The following SEH1L variants were observed in gnomAD, a reference collection of about 807,000 sequenced individuals.
SEH1L encodes SEH1 like nucleoporin.
SEH1L carries 18 observed loss-of-function variants against 49.5 expected under a neutral mutation model. The ratio of observed to expected loss-of-function variants is 0.36; its 90% CI spans 0.25 to 0.54. The LOEUF (loss-of-function observed/expected upper bound fraction) is 0.54. Among genes scored for constraint, SEH1L ranks in the 20% least tolerant of loss-of-function variants. The pLI, the probability that SEH1L is intolerant of heterozygous loss-of-function variation, is 0.87. For synonymous variants in SEH1L, 169 were observed against 178.1 expected (o/e 0.95, Z 0.41); for missense variants, 404 against 528.8 (o/e 0.76, Z 2.31).
chr18:12,961,461 C>T (rs2031173305), intron 3 of SEH1L, among the ~76,000 whole-genome samples: 1 of 152,146 alleles, frequency 6.6e-6, no homozygotes. Context: ...CCTCTGCTGC[C>T]CTGCTCATGT....
chr18:12,963,504 T>C (rs2031291649), intron 4 of SEH1L, 133 bp downstream of exon 4: 2 of 653,932 alleles, frequency 3.1e-6, no homozygotes, highest in Middle Eastern at 4.3e-4. Context: ...TCTCCATTTT[T>C]CACCCAGGCA....
intron 4 of SEH1L, among the ~76,000 whole-genome samples, chr18:12,969,782 C>T (rs1288964975): frequency 1.3e-5 from 2 of 151,384 alleles, no homozygotes; most frequent in South Asian, 2.1e-4. Flanking sequence ...ATCCCAGCTA[C>T]TCAGGAGACT....
chr18:12,948,516 T>A (rs561658942), intron 1 of SEH1L: 2 of 268,972 alleles, frequency 7.4e-6, no homozygotes, highest in East Asian at 1.4e-4. Context: ...CTGCCGGGGC[T>A]GCGGGCGGGA....
chr18:12,949,817 G>A (rs1199127160), intron 1 of SEH1L, among the ~76,000 whole-genome samples: 1 of 151,972 alleles, frequency 6.6e-6, no homozygotes, highest in African/African-American at 2.4e-5. Context: ...TTTTTGTGCA[G>A]CGTCGCCCCT....
At chr18:12,966,962 T>C (rs2031480054) in intron 4 of SEH1L, among the ~76,000 whole-genome samples, 1 of 152,240 alleles carries the variant, frequency 6.6e-6, no homozygotes. Context: ...TGAATGGCAA[T>C]CATTTTTAAT....
At chr18:12,984,230 T>G (rs753750638) in intron 8 of SEH1L, 40 bp downstream of exon 8, 5 of 1,596,712 alleles carry the variant, frequency 3.1e-6, no homozygotes, top group Non-Finnish European at 4.3e-6. Flanking sequence ...CATCTTTGTT[T>G]TAAATCATTC....
rs914430795 is a variant in SEH1L, at chr18:12,975,114, TC to T, written c.621-3635del. Among the ~76,000 whole-genome samples the T allele has an allele frequency of 9.9e-5, 15 of 152,052 alleles. 1 individual carries two copies. Among genetic ancestry groups the T allele is most frequent in the Admixed American group, 8.5e-4 (13 of 15,270 alleles). On this transcript the variant is annotated intron_variant, in intron 5 of 8. Transcript: ENST00000399892. ...TTCAAGAAGTTCTCCTGCCTCAGCC[TC>T]CCAAGTAGCTGGGATCACAGGCATG...
chr18:12,971,322 C>A, intron 5 of SEH1L, 71 bp downstream of exon 5: 1 of 1,012,764 alleles, frequency 9.9e-7, no homozygotes, highest in Non-Finnish European at 1.5e-6. Context: ...TTTCTTTATT[C>A]ATTTACAGAA....
intron 4 of SEH1L, among the ~76,000 whole-genome samples, chr18:12,970,884 T>C (rs1391305543): frequency 6.6e-6 from 1 of 152,198 alleles, no homozygotes; most frequent in East Asian, 1.9e-4. Context: ...CTTGAAAGCT[T>C]TTTTCAGGCA....
chr18:12,973,122 C>G (rs765688546), intron 5 of SEH1L: 8 of 152,140 alleles, frequency 5.3e-5, no homozygotes, highest in Non-Finnish European at 8.8e-5. Flanking sequence ...GTGGGATGAT[C>G]ACCTGAGCCT....
At chr18:12,966,315 C>T (rs2031451623) in intron 4 of SEH1L, among the ~76,000 whole-genome samples, 1 of 152,164 alleles carries the variant, frequency 6.6e-6, no homozygotes, top group Admixed American at 6.5e-5. Flanking sequence ...TGGTCTCGAA[C>T]TCCTGAGCTC....
intron 6 of SEH1L, among the ~76,000 whole-genome samples, chr18:12,982,107 C>A (rs1212586621): frequency 2.0e-5 from 3 of 152,188 alleles, no homozygotes; most frequent in African/African-American, 4.8e-5. Context: ...CTCAAGTGAT[C>A]TGTCCACCTT....
chr18:12,963,507 C>T, intron 4 of SEH1L, 136 bp downstream of exon 4: 1 of 639,324 alleles, frequency 1.6e-6, no homozygotes, highest in Non-Finnish European at 2.6e-6. Context: ...CCATTTTTCA[C>T]CCAGGCATGT....
At chr18:12,967,564 T>C (rs552955909) in intron 4 of SEH1L, among the ~76,000 whole-genome samples, 1 of 152,338 alleles carries the variant, frequency 6.6e-6, no homozygotes, top group East Asian at 1.9e-4. Flanking sequence ...GCTGGGAAAC[T>C]GCATCAGGCA....
chr18:12,951,452 G>A lies in SEH1L; in HGVS notation c.112-403G>A, dbSNP rs56774587. 5.1e-3 allele frequency among the ~76,000 whole-genome samples: 777 copies of A among 152,276 alleles called. 16 individuals carry two copies. The highest frequency in any genetic ancestry group is 0.037 in the Admixed American group (567 of 15,294). ...GTCTCCCAGGCTGGAGTGCAGTGGC[G>A]TGATGTCAGCTCACTGCGACCTCCG... is the stretch of plus-strand genomic sequence containing the variant. On this transcript the variant is annotated intron_variant, in intron 1 of 8. Transcript: ENST00000399892.
chr18:12,948,325 T>G, intron 1 of SEH1L, 93 bp downstream of exon 1: 1 of 893,068 alleles, frequency 1.1e-6, no homozygotes, highest in Non-Finnish European at 1.8e-6. Flanking sequence ...CTTGGTTCAG[T>G]GACGCCGCTG....
intron 7 of SEH1L, 28 bp downstream of exon 7, chr18:12,982,703 T>TG: frequency 6.5e-7 from 1 of 1,534,170 alleles, no homozygotes; most frequent in Non-Finnish European, 8.8e-7. Flanking sequence ...GGGTAATTGT[T>TG]GGTTTATATT....
chr18:12,971,034 A>G lies in SEH1L; in HGVS notation c.522-119A>G, dbSNP rs2031677051. 3 of 675,798 alleles carry G rather than the reference A, an allele frequency of 4.4e-6. No homozygotes were observed. The Admixed American group carries it at 6.7e-5, about 15-fold the overall frequency. 41.9% of individuals were successfully genotyped at this position (675,798 alleles called of 1,614,324 possible). ...AGCTATGTGGCAGAGACCTAGATTC[A>G]CTAGTAGTGTGACAGGCTAACTGTA... is the stretch of plus-strand genomic sequence containing the variant. On this transcript the variant is annotated intron_variant, in intron 4 of 8. Transcript: ENST00000399892.
intron 5 of SEH1L, chr18:12,974,270 T>C (rs1194065858): frequency 6.6e-6 from 1 of 152,082 alleles, no homozygotes; most frequent in Non-Finnish European, 1.5e-5. Flanking sequence ...TTAATACCTG[T>C]TTATCTTTTT....
Sources: allele counts gnomAD v4.1 joint callset (sites outside exome capture counted in the v4.1 genomes callset), GRCh38; gene constraint gnomAD v4.1.1; transcripts MANE v1.5; gene names NCBI Gene and HGNC (gene_info 2026-07-23, HGNC 2026-07-21).